Variants in SPOCD1 observed in about 807,000 individuals in gnomAD.
SPOCD1 encodes the protein SPOC domain containing 1, also known as SPOC domain-containing protein 1.
SPOCD1 carries 64 observed loss-of-function variants against 92.2 expected under a neutral mutation model. The observed-to-expected ratio is 0.69, with a 90% CI of 0.57 to 0.86. SPOCD1 has a LOEUF of 0.86. Among genes scored for constraint, SPOCD1 ranks in the 40% least tolerant of loss-of-function variants. The pLI, the probability that SPOCD1 is intolerant of heterozygous loss-of-function variation, is 0.00. For synonymous variants in SPOCD1, 578 were observed against 619.3 expected (o/e 0.93, Z 0.99); for missense variants, 1,360 against 1,543.1 (o/e 0.88, Z 1.99).
At position 31,807,366 on chromosome 1, in the gene SPOCD1, G is replaced by C. The variant is rs560142793; in HGVS notation, c.1384-5661C>G. Among the ~76,000 whole-genome samples, 104 of 71,412 alleles carry C rather than the reference G, an allele frequency of 1.5e-3. 2 individuals are homozygous for C. Among genetic ancestry groups the C allele is most frequent in the African/African-American group, 5.5e-3 (98 of 17,802 alleles). 46.8% of individuals were successfully genotyped at this position (71,412 alleles called of 152,430 possible). On this transcript the variant is annotated intron_variant, in intron 2 of 15. Coordinates refer to ENST00000360482, the MANE Select transcript of SPOCD1 (RefSeq NM_144569.7). ...ATAGCACCACTGCACTCCAGCCTGGGGGATAGAGCCAGACTCTGTCTCAAA... is the reference window on the plus strand; with the variant it reads ...ATAGCACCACTGCACTCCAGCCTGGCGGATAGAGCCAGACTCTGTCTCAAA...
At chr1:31,811,904 C>A (rs1649225173) in intron 2 of SPOCD1, among the ~76,000 whole-genome samples, 1 of 152,182 alleles carries the variant, frequency 6.6e-6, no homozygotes, top group African/African-American at 2.4e-5. Context: ...AAGCTGGCTC[C>A]ACCACCGCAC....
At chr1:31,801,469 G>A (rs1648459591) in intron 3 of SPOCD1, among the ~76,000 whole-genome samples, 195 bp downstream of exon 3, 1 of 152,132 alleles carries the variant, frequency 6.6e-6, no homozygotes, top group Admixed American at 6.5e-5. Context: ...TCATGAAATG[G>A]TCAGGTTCCA....
chr1:31,792,061 G>T, intron 15 of SPOCD1, 154 bp downstream of exon 15: 2 of 770,300 alleles, frequency 2.6e-6, no homozygotes, highest in Non-Finnish European at 4.1e-6. Flanking sequence ...ATCCAAGCGT[G>T]AGCTATTACT....
chr1:31,793,359 T>C lies in SPOCD1; in HGVS notation c.2604A>G (p.Glu868=). Reference sequence around the variant, plus strand: ...TGATGGAGAACATGTCCAGAACACCTTCCCAGGGTGGCAGGCAGGGCAGGG... The same window carrying C: ...TGATGGAGAACATGTCCAGAACACCCTCCCAGGGTGGCAGGCAGGGCAGGG... ...TKALPCLPPW[E]GVLDMFSIKR... The change falls in exon 13 of 16, where the codon GAA becomes GAG. Residue 868 remains glutamate, a synonymous_variant. Coordinates refer to ENST00000360482, the MANE Select transcript of SPOCD1 (RefSeq NM_144569.7). 1 of 1,591,930 alleles carries C rather than the reference T, an allele frequency of 6.3e-7. No homozygotes were observed.
Position 31,790,953 on chromosome 1 carries a change from C to T in SPOCD1, c.3301G>A (p.Glu1101Lys). 6.4e-7 allele frequency: 1 copy of T among 1,567,658 alleles called. No individual in the cohort carries two copies. The highest frequency in any genetic ancestry group is 8.6e-7 in the Non-Finnish European group (1 of 1,159,556). The change falls in exon 16 of 16, where the codon GAA becomes AAA. Residue 1101 changes from glutamate (E) to lysine (K), a missense_variant. By Grantham distance (56) the Glu-to-Lys change is moderately conservative. Coordinates refer to ENST00000360482, the MANE Select transcript of SPOCD1 (RefSeq NM_144569.7). ...RGRGRLWPEP[E>K]NWQHPGRGQW... ...CCTCGCCCAGGATGCTGCCAGTTTTCAGGCTCTGGCCAGAGCCTCCCCCTG... is the reference window on the plus strand; with the variant it reads ...CCTCGCCCAGGATGCTGCCAGTTTTTAGGCTCTGGCCAGAGCCTCCCCCTG...
Position 31,814,106 on chromosome 1 carries a change from A to T in SPOCD1, c.1228T>A (p.Ser410Thr). ...SLDTEASRACSGPFMEQRRSK... is the reference protein window; with the variant it reads ...SLDTEASRACTGPFMEQRRSK... ...CTTCTCTGCTCCATGAATGGGCCTG[A>T]GCAGGCCCTGCTGGCTTCAGTATCC... is the stretch of plus-strand genomic sequence containing the variant. Residue 410 changes from serine to threonine, a missense_variant, in exon 2 of 16, where the codon TCA (serine) becomes ACA (threonine). Physicochemically the swap from Ser to Thr is moderately conservative, Grantham distance 58. Coordinates refer to ENST00000360482, the MANE Select transcript of SPOCD1 (RefSeq NM_144569.7). This position sits in a 1 kb window ranked among gnomAD's most constrained non-coding sequence, Gnocchi z 4.2. The T allele has an allele frequency of 6.2e-7, 1 of 1,611,860 alleles. No homozygotes were observed. The highest frequency in any genetic ancestry group is 8.5e-7 in the Non-Finnish European group (1 of 1,178,488).
chr1:31,807,975 G>A (rs1482746012), intron 2 of SPOCD1, among the ~76,000 whole-genome samples: 2 of 152,110 alleles, frequency 1.3e-5, no homozygotes, highest in East Asian at 1.9e-4. Context: ...ATAGCCACAA[G>A]ATAAATTGAA....
chr1:31,796,747 A>C (rs1557819214), intron 9 of SPOCD1, 32 bp from the exon 10 acceptor site: 2 of 1,613,438 alleles, frequency 1.2e-6, no homozygotes, highest in Non-Finnish European at 1.7e-6. Context: ...AGCTGAGCCC[A>C]GTTAGGGGGC....
At position 31,790,868 on chromosome 1, in the gene SPOCD1, G is replaced by A; in HGVS notation, c.3386C>T (p.Ala1129Val). The A allele has an allele frequency of 1.3e-6, 2 of 1,573,870 alleles. No individual in the cohort carries two copies. Among genetic ancestry groups the A allele is most frequent in the Non-Finnish European group, 8.6e-7 (1 of 1,159,960 alleles). Residue 1129 changes from alanine (A) to valine (V), a missense_variant, in exon 16 of 16, where the codon GCT (alanine) becomes GTT (valine). By Grantham distance (64) the Ala-to-Val change is moderately conservative. Coordinates refer to ENST00000360482, the MANE Select transcript of SPOCD1 (RefSeq NM_144569.7). ...CTGGCCACGGCCAAAGCCATGACCA[G>A]CTGGTGCTACTGAATAGGGATGCTG... ...QSQHPYSVAP[A>V]GHGFGRGQHF...
chr1:31,794,096 C>T (rs1317988917), intron 11 of SPOCD1, 28 bp downstream of exon 11: 2 of 1,603,978 alleles, frequency 1.2e-6, no homozygotes, highest in African/African-American at 1.3e-5. Context: ...GGCTGCCACC[C>T]CTGCACCCCT....
rs1010070864 is a variant in SPOCD1, at chr1:31,811,474, TA to T, written c.1383+2476del. 2.6e-3 allele frequency among the ~76,000 whole-genome samples: 352 copies of T among 135,634 alleles called. 1 individual carries two copies. Among genetic ancestry groups the T allele is most frequent in the African/African-American group, 5.9e-3 (219 of 36,940 alleles). The allele number at this position is 135,634 out of a possible 152,430, so 89.0% of individuals were successfully genotyped here. A position where few individuals can be genotyped will look rare whatever the true frequency, so the allele number is the denominator to read the frequency against. ...CTCCCATCTTAAAAAAAAAGTAAATTAAAAAAAAAAAAGTCTTCTTGCCACT... is the reference window on the plus strand; with the variant it reads ...CTCCCATCTTAAAAAAAAAGTAAATTAAAAAAAAAAAGTCTTCTTGCCACT... On this transcript the variant is annotated intron_variant, in intron 2 of 15. Coordinates refer to ENST00000360482, the MANE Select transcript of SPOCD1 (RefSeq NM_144569.7).
rs113680962 is a variant in SPOCD1, at chr1:31,804,803, A to T, written c.1384-3098T>A. 8.3e-3 allele frequency among the ~76,000 whole-genome samples: 1,255 copies of T among 151,178 alleles called. 11 individuals carry two copies. Among genetic ancestry groups the T allele is most frequent in the African/African-American group, 0.02 (811 of 41,218 alleles). On this transcript the variant is annotated intron_variant, in intron 2 of 15. Transcript: ENST00000360482. The stretch of plus-strand genomic sequence containing the variant: ...ACAGTGTGTAATTTGGGGATTTTTT[A>T]AAAAAAAAGATAGGACTAATTTACT...
At chr1:31,792,650 G>A in intron 14 of SPOCD1, 28 bp downstream of exon 14, 2 of 1,544,722 alleles carry the variant, frequency 1.3e-6, no homozygotes, top group Non-Finnish European at 8.8e-7. Flanking sequence ...ACTAGGAAAA[G>A]AGGGGGTGCC....
chr1:31,814,469 G>A lies in SPOCD1; in HGVS notation c.865C>T (p.Pro289Ser). The change falls in exon 2 of 16, where the codon CCC (proline) becomes TCC (serine). Residue 289 changes from proline (P) to serine (S), a missense_variant. This residue lies in a region of SPOCD1 where 606 missense variants were observed against 601.5 expected (regional missense o/e 1.01). Coordinates refer to ENST00000360482, the MANE Select transcript of SPOCD1 (RefSeq NM_144569.7). The surrounding 1 kb of genome is among the most constrained non-coding windows in gnomAD (Gnocchi z 4.2). ...ASGTEKFGYL[P>S]ATGDGPQPGS... ...GGCTGGGGCCCATCCCCTGTAGCGG[G>A]CAAATATCCAAATTTCTCAGTCCCT... 6.3e-7 allele frequency: 1 copy of A among 1,578,940 alleles called. No individual in the cohort carries two copies. Among genetic ancestry groups the A allele is most frequent in the Middle Eastern group, 1.7e-4 (1 of 5,896 alleles).
Position 31,814,741 on chromosome 1 carries a change from G to A in SPOCD1, c.593C>T (p.Pro198Leu). 6.2e-7 allele frequency: 1 copy of A among 1,613,624 alleles called. No homozygotes were observed. Among genetic ancestry groups the A allele is most frequent in the Non-Finnish European group, 8.5e-7 (1 of 1,179,776 alleles). The change falls in exon 2 of 16, where the codon CCA becomes CTA. Residue 198 changes from proline to leucine, a missense_variant. Pro to Leu is a moderately conservative substitution (Grantham distance 98). Coordinates refer to ENST00000360482, the MANE Select transcript of SPOCD1 (RefSeq NM_144569.7). The surrounding 1 kb of genome is among the most constrained non-coding windows in gnomAD (Gnocchi z 4.2). Reference sequence around the variant, plus strand: ...TCTTACCCTCACAGGGACTGGGTCTGGTGAGGATGTCAGGGGCCTTCCAGG... The same window carrying A: ...TCTTACCCTCACAGGGACTGGGTCTAGTGAGGATGTCAGGGGCCTTCCAGG... ...EPPGRPLTSS[P>L]DPVPVRVRKK...
Position 31,814,333 on chromosome 1 carries a change from G to C in SPOCD1, c.1001C>G (p.Ala334Gly). ...QSAALCLGAS[A>G]QASAEQQEAV... ...TTCTTGCTGCTCTGCAGAGGCCTGT[G>C]CTGACGCCCCCAGGCACAGTGCTGC... Residue 334 changes from alanine (A) to glycine (G), a missense_variant, in exon 2 of 16, where the codon GCA (alanine) becomes GGA (glycine). This residue lies in a region of SPOCD1 where 606 missense variants were observed against 601.5 expected (regional missense o/e 1.01). Transcript: ENST00000360482. This position sits in a 1 kb window ranked among gnomAD's most constrained non-coding sequence, Gnocchi z 4.2. The C allele has an allele frequency of 6.3e-7, 1 of 1,579,320 alleles. No individual in the cohort carries two copies. The highest frequency in any genetic ancestry group is 8.6e-7 in the Non-Finnish European group (1 of 1,159,378).
chr1:31,792,821 T>G (rs1570147103), intron 13 of SPOCD1, 54 bp from the exon 14 acceptor site: 2 of 1,404,812 alleles, frequency 1.4e-6, no homozygotes, highest in Non-Finnish European at 2.0e-6. Flanking sequence ...CCACTCAGGG[T>G]GGACGCATTC....
Position 31,800,047 on chromosome 1 carries a change from C to G in SPOCD1, c.1697G>C (p.Gly566Ala), listed in dbSNP as rs1247903619. 3 of 1,610,968 alleles carry G rather than the reference C, an allele frequency of 1.9e-6. No homozygotes were observed. Among genetic ancestry groups the G allele is most frequent in the East Asian group, 4.5e-5 (2 of 44,884 alleles). The change falls in exon 5 of 16, where the codon GGC (glycine) becomes GCC (alanine). Residue 566 changes from glycine (G) to alanine (A), a missense_variant. By Grantham distance (60) the Gly-to-Ala change is moderately conservative. This residue lies in a region of SPOCD1 where 606 missense variants were observed against 601.5 expected (regional missense o/e 1.01). Transcript: ENST00000360482. ...YPPRSGSLAL[G>A]DPSSDPACSQ... Reference sequence around the variant, plus strand: ...ACATGCAGGGTCCGAGCTGGGGTCGCCAAGGGCCAGGGAACCGCTTCTTGG... The same window carrying G: ...ACATGCAGGGTCCGAGCTGGGGTCGGCAAGGGCCAGGGAACCGCTTCTTGG...
chr1:31,796,495 C>G (rs1648031965), intron 10 of SPOCD1, 95 bp downstream of exon 10: 3 of 1,592,294 alleles, frequency 1.9e-6, no homozygotes, highest in Non-Finnish European at 1.7e-6. Context: ...TCAGAGCAGT[C>G]AGGTGACATG....
Sources: gnomAD v4.1 joint callset for allele counts (sites outside exome capture counted in the v4.1 genomes callset) on GRCh38, gnomAD v4.1.1 for gene constraint, gnomAD v4.1.1 regional missense constraint, Gnocchi (gnomAD v3.1) non-coding constraint, MANE v1.5 for transcripts, NCBI Gene and HGNC (gene_info 2026-07-23, HGNC 2026-07-21) for gene names.